TNIK: variants seen among roughly 807,000 people sequenced by gnomAD.
The protein encoded by TNIK is TRAF2 and NCK-interacting protein kinase.
A neutral mutation model predicts 191.3 loss-of-function variants in TNIK; 49 were observed. That is an observed-to-expected ratio of 0.26 (90% CI 0.20 to 0.32). TNIK has a LOEUF of 0.32. TNIK is among the 10% of genes least tolerant of loss of function. The probability of loss-of-function intolerance (pLI) is 1.00; values close to 1 mark genes in which losing one functional copy is unlikely to be tolerated. For missense variants in TNIK, 1,155 were observed against 1,702.3 expected (o/e 0.68, Z 5.66); for synonymous variants, 594 against 600.9 (o/e 0.99, Z 0.17).
At chr3:171,282,860 A>G (rs1750619419) in intron 2 of TNIK, among the ~76,000 whole-genome samples, 1 of 152,170 alleles carries the variant, frequency 6.6e-6, no homozygotes. Flanking sequence ...TGGCAGCTCC[A>G]GAGGGTGGGC....
intron 1 of TNIK, among the ~76,000 whole-genome samples, chr3:171,449,401 C>T (rs1266727475): frequency 2.0e-5 from 3 of 152,130 alleles, no homozygotes; most frequent in Non-Finnish European, 4.4e-5. Context: ...CCATGTCCTC[C>T]CCAGCATCTG....
chr3:171,411,314 T>C (rs1338142720), intron 1 of TNIK, among the ~76,000 whole-genome samples: 2 of 152,248 alleles, frequency 1.3e-5, no homozygotes, highest in South Asian at 2.1e-4. Context: ...AATCTTAATG[T>C]TGGGAGATTG....
chr3:171,087,827 T>C lies in TNIK; in HGVS notation c.2722-321A>G, dbSNP rs199532178. Among the ~76,000 whole-genome samples the C allele has an allele frequency of 2.0e-5, 3 of 152,320 alleles. No individual in the cohort carries two copies. The East Asian group carries it at 5.8e-4, about 29-fold the overall frequency. ...GAGCAGGGCCCACACTTGTAAACTC[T>C]TTTGTAGTACTTGTGCTGTATGCAC... On this transcript the variant is annotated intron_variant, in intron 23 of 32. Coordinates refer to ENST00000436636, the MANE Select transcript of TNIK (RefSeq NM_015028.4).
At chr3:171,272,809 G>C (rs1560353522) in intron 2 of TNIK, among the ~76,000 whole-genome samples, 1 of 152,074 alleles carries the variant, frequency 6.6e-6, no homozygotes, top group African/African-American at 2.4e-5. Context: ...ATTTTGAATT[G>C]TTTGTCAGGC....
chr3:171,365,683 G>T (rs1715639783), intron 2 of TNIK, among the ~76,000 whole-genome samples: 1 of 152,148 alleles, frequency 6.6e-6, no homozygotes, highest in South Asian at 2.1e-4. Context: ...AGGATGGGCT[G>T]AACAGCCAGC....
chr3:171,138,043 G>T, intron 15 of TNIK, 148 bp downstream of exon 15: 1 of 599,054 alleles, frequency 1.7e-6, no homozygotes, highest in Non-Finnish European at 2.5e-6. Context: ...CAGAAATAAT[G>T]TTATAGTTCT....
intron 1 of TNIK, among the ~76,000 whole-genome samples, chr3:171,430,626 C>G (rs1363600807): frequency 7.4e-6 from 1 of 135,338 alleles, no homozygotes; most frequent in African/African-American, 2.9e-5. Flanking sequence ...CCCAGAGTGA[C>G]ACCTTGTCTC....
At chr3:171,218,398 A>C (rs1741718369) in intron 3 of TNIK, among the ~76,000 whole-genome samples, 1 of 152,120 alleles carries the variant, frequency 6.6e-6, no homozygotes, top group Non-Finnish European at 1.5e-5. Context: ...AGTAACCCAG[A>C]AGTAAACAAG....
At chr3:171,078,776 G>C (rs777859086) in intron 28 of TNIK, among the ~76,000 whole-genome samples, 2 of 152,080 alleles carry the variant, frequency 1.3e-5, no homozygotes, top group Non-Finnish European at 2.9e-5. Context: ...TGGCCATTTA[G>C]TTTCTCCAAA....
intron 1 of TNIK, among the ~76,000 whole-genome samples, chr3:171,423,495 A>G (rs1381071712): frequency 6.6e-6 from 1 of 152,172 alleles, no homozygotes; most frequent in Non-Finnish European, 1.5e-5. Flanking sequence ...TAAAGTTCAC[A>G]TGGAACCAAA....
intron 2 of TNIK, among the ~76,000 whole-genome samples, chr3:171,286,451 A>G (rs1004941300): frequency 6.6e-6 from 1 of 152,192 alleles, no homozygotes; most frequent in Admixed American, 6.5e-5. Flanking sequence ...CCTGGGCAAC[A>G]TGGTGAAACG....
chr3:171,340,183 A>G (rs1757379303), intron 2 of TNIK, among the ~76,000 whole-genome samples: 1 of 152,228 alleles, frequency 6.6e-6, no homozygotes, highest in Admixed American at 6.5e-5. Flanking sequence ...AACCATGGGA[A>G]AATGTATTTT....
Position 171,369,609 on chromosome 3 carries a change from A to C in TNIK, c.123+11T>G. 1.3e-6 allele frequency: 2 copies of C among 1,566,878 alleles called. No homozygotes were observed. The highest frequency in any genetic ancestry group is 1.7e-6 in the Non-Finnish European group (2 of 1,154,334). On this transcript the variant is annotated intron_variant, in intron 2 of 32. Coordinates refer to ENST00000436636, the MANE Select transcript of TNIK (RefSeq NM_015028.4). ...CCGTACATAAGCCACTCTCAGACTC[A>C]ATGTACTTACCTTATAAACTTGCCC...
chr3:171,376,176 G>C (rs1717187523), intron 1 of TNIK, among the ~76,000 whole-genome samples: 1 of 152,182 alleles, frequency 6.6e-6, no homozygotes, highest in South Asian at 2.1e-4. Context: ...AAAGAAAACA[G>C]GAACAGTAGG....
chr3:171,336,469 G>A (rs759185930), intron 2 of TNIK, among the ~76,000 whole-genome samples: 14 of 152,152 alleles, frequency 9.2e-5, no homozygotes, highest in Non-Finnish European at 1.9e-4. Flanking sequence ...ACTGTAACCT[G>A]CTGTATGACC....
intron 3 of TNIK, among the ~76,000 whole-genome samples, chr3:171,212,533 C>T (rs35857035): frequency 0.05 from 7,626 of 152,302 alleles, 289 homozygotes; most frequent in Middle Eastern, 0.11. Context: ...CCCAGCAAAG[C>T]TCCCTGATCT....
chr3:171,093,410 T>C (rs1221283426), intron 23 of TNIK, among the ~76,000 whole-genome samples: 1 of 152,222 alleles, frequency 6.6e-6, no homozygotes, highest in Admixed American at 6.5e-5. Flanking sequence ...TAAGATGATA[T>C]CATCATTTCT....
chr3:171,207,627 T>C (rs925728664), intron 4 of TNIK, among the ~76,000 whole-genome samples: 1 of 152,202 alleles, frequency 6.6e-6, no homozygotes, highest in Non-Finnish European at 1.5e-5. Context: ...GTGCTGATAA[T>C]GAGCTGGAGG....
chr3:171,067,210 G>T (rs1448930362), intron 30 of TNIK, among the ~76,000 whole-genome samples: 1 of 152,090 alleles, frequency 6.6e-6, no homozygotes, highest in East Asian at 1.9e-4. Flanking sequence ...TGAGGAGAAT[G>T]TAAGCCAGCT....
Sources: gnomAD v4.1 joint callset for allele counts (sites outside exome capture counted in the v4.1 genomes callset) on GRCh38, gnomAD v4.1.1 for gene constraint, MANE v1.5 for transcripts, NCBI Gene and HGNC (gene_info 2026-07-23, HGNC 2026-07-21) for gene names.